The following ELF1 variants were observed in gnomAD, a reference collection of about 807,000 sequenced individuals.
The protein encoded by ELF1 is E74 like ETS transcription factor 1.
A neutral mutation model predicts 59.9 loss-of-function variants in ELF1; 24 were observed. That is an observed-to-expected ratio of 0.40 (90% CI 0.29 to 0.56). The LOEUF is 0.56. ELF1 is among the 20% of genes least tolerant of loss of function. The pLI, the probability that ELF1 is intolerant of heterozygous loss-of-function variation, is 0.44. For synonymous variants in ELF1, 248 were observed against 266.2 expected, an observed-to-expected ratio of 0.93 and a Z score of 0.67; for missense variants, 627 against 742.2, an observed-to-expected ratio of 0.84 and a Z score of 1.80.
chr13:40,980,982 T>C (rs1398695094), intron 2 of ELF1, among the ~76,000 whole-genome samples: 1 of 152,142 alleles, frequency 6.6e-6, no homozygotes, highest in East Asian at 1.9e-4. Context: ...AACTTTTTGT[T>C]CTGTCACTTC....
At chr13:40,995,181 T>C (rs766177651) in intron 1 of ELF1, among the ~76,000 whole-genome samples, 4 of 152,232 alleles carry the variant, frequency 2.6e-5, no homozygotes, top group Admixed American at 6.5e-5. Flanking sequence ...CTCTTTCATA[T>C]ATTTATTTGA....
intron 2 of ELF1, among the ~76,000 whole-genome samples, chr13:40,970,036 G>GA (rs950801742): frequency 4.6e-5 from 7 of 150,616 alleles, no homozygotes; most frequent in Non-Finnish European, 7.4e-5. Flanking sequence ...CATTTTCAAA[G>GA]AAAAAAAAAT....
intron 2 of ELF1, among the ~76,000 whole-genome samples, chr13:40,968,872 A>T (rs750612266): frequency 1.1e-4 from 16 of 152,050 alleles, no homozygotes; most frequent in Non-Finnish European, 2.1e-4. Context: ...GGCATGTGCC[A>T]CCACACCCAG....
At chr13:40,993,390 G>C (rs1267994087) in intron 1 of ELF1, 2 of 854,360 alleles carry the variant, frequency 2.3e-6, no homozygotes, top group Admixed American at 4.1e-5. Context: ...GCACCGATGG[G>C]TCTGGGGGGA....
chr13:41,038,719 T>C (rs1372888917), intron 1 of ELF1, among the ~76,000 whole-genome samples: 1 of 152,144 alleles, frequency 6.6e-6, no homozygotes, highest in Non-Finnish European at 1.5e-5. Flanking sequence ...CACTAATTGA[T>C]AAAGAATGAC....
At chr13:41,060,281 G>T (rs1254569756) in intron 1 of ELF1, among the ~76,000 whole-genome samples, 1 of 152,242 alleles carries the variant, frequency 6.6e-6, no homozygotes, top group African/African-American at 2.4e-5. Context: ...CTACTGGTCC[G>T]GGCGCGGGCT....
chr13:40,942,674 C>G (rs756691844), intron 7 of ELF1, among the ~76,000 whole-genome samples: 1 of 152,064 alleles, frequency 6.6e-6, no homozygotes, highest in Non-Finnish European at 1.5e-5. Context: ...GTGCATACCA[C>G]CACGCCTGGC....
intron 2 of ELF1, 93 bp from the exon 3 acceptor site, chr13:40,959,109 T>C: frequency 7.0e-7 from 1 of 1,435,606 alleles, no homozygotes; most frequent in East Asian, 2.4e-5. Flanking sequence ...ATACTAGCCA[T>C]CAATTTAATT....
At chr13:41,032,516 C>T (rs556089467) in intron 1 of ELF1, among the ~76,000 whole-genome samples, 88 of 151,980 alleles carry the variant, frequency 5.8e-4, no homozygotes, top group East Asian at 7.7e-4. Flanking sequence ...CTGCGCCCAG[C>T]GATATTTATT....
At chr13:41,060,814 C>A in intron 1 of ELF1, 1 of 224,276 alleles carries the variant, frequency 4.5e-6, no homozygotes, top group Non-Finnish European at 9.1e-6. Context: ...ATGGGAAGTG[C>A]TATGAGAAAC....
chr13:41,060,099 C>A (rs777122409), intron 1 of ELF1, among the ~76,000 whole-genome samples: 1 of 152,228 alleles, frequency 6.6e-6, no homozygotes, highest in African/African-American at 2.4e-5. Flanking sequence ...ACCTCGCAGG[C>A]CGGCCTCGCG....
At chr13:40,984,184 T>C (rs1475670529) in intron 1 of ELF1, among the ~76,000 whole-genome samples, 2 of 152,196 alleles carry the variant, frequency 1.3e-5, no homozygotes, top group Non-Finnish European at 2.9e-5. Context: ...GAAATAACCA[T>C]TGTCTAAAAT....
At chr13:41,025,782 G>A (rs1251432328) in intron 1 of ELF1, among the ~76,000 whole-genome samples, 9 of 152,154 alleles carry the variant, frequency 5.9e-5, no homozygotes. Context: ...GGAGAATCAC[G>A]GTGGATTATC....
intron 5 of ELF1, 131 bp from the exon 6 acceptor site, chr13:40,944,056 C>A (rs1375823265): frequency 2.7e-6 from 2 of 737,246 alleles, no homozygotes; most frequent in Non-Finnish European, 4.4e-6. Context: ...ATATACAGGT[C>A]TCTTAAAATG....
At chr13:41,023,904 A>G (rs989597139), upstream of ELF1, among the ~76,000 whole-genome samples, 1 of 152,192 alleles carries the variant, frequency 6.6e-6, no homozygotes, top group African/African-American at 2.4e-5. Flanking sequence ...GCATATCAGG[A>G]TTTTCGTAAA....
chr13:41,026,419 G>T (rs888062528), intron 1 of ELF1, among the ~76,000 whole-genome samples: 2 of 152,140 alleles, frequency 1.3e-5, no homozygotes, highest in African/African-American at 4.8e-5. Context: ...TTTGAGGGGG[G>T]CCCAGAATAG....
chr13:40,936,932 C>T (rs962627124), intron 8 of ELF1, among the ~76,000 whole-genome samples: 1 of 152,052 alleles, frequency 6.6e-6, no homozygotes, highest in African/African-American at 2.4e-5. Flanking sequence ...CCAGCCTGGG[C>T]TACAGAGGGA....
chr13:41,033,464 T>G (rs1876252218), intron 1 of ELF1, among the ~76,000 whole-genome samples: 1 of 152,184 alleles, frequency 6.6e-6, no homozygotes, highest in Non-Finnish European at 1.5e-5. Flanking sequence ...TGGAGCTAAC[T>G]ATTGATAAAT....
At chr13:40,993,737 G>A (rs1456911799) in intron 1 of ELF1, among the ~76,000 whole-genome samples, 1 of 152,042 alleles carries the variant, frequency 6.6e-6, no homozygotes, top group Non-Finnish European at 1.5e-5. Flanking sequence ...CTCCCGTCTA[G>A]GCCTCCCAAA....
Sources: allele counts gnomAD v4.1 joint callset (sites outside exome capture counted in the v4.1 genomes callset), GRCh38; gene constraint gnomAD v4.1.1; transcripts MANE v1.5; gene names NCBI Gene and HGNC (gene_info 2026-07-23, HGNC 2026-07-21).